Variants in EHMT1 observed in about 807,000 individuals in gnomAD.
EHMT1 encodes histone-lysine N-methyltransferase EHMT1.
Under a neutral mutation model 147.2 loss-of-function variants are expected in EHMT1, and 15 were observed. The ratio of observed to expected loss-of-function variants is 0.10; its 90% CI spans 0.07 to 0.16. The LOEUF (loss-of-function observed/expected upper bound fraction) is 0.16. EHMT1 is among the 10% of genes least tolerant of loss of function. EHMT1 has a pLI of 1.00. For synonymous variants in EHMT1, 795 were observed against 709.6 expected (o/e 1.12, Z -1.91); for missense variants, 1,587 against 1,772.4 (o/e 0.90, Z 1.88).
chr9:137,834,599 C>A, intron 26 of EHMT1, 75 bp downstream of exon 26: 1 of 1,601,804 alleles, frequency 6.2e-7, no homozygotes, highest in South Asian at 1.1e-5. Context: ...GCATTGCTTT[C>A]CTGGGCTTGT....
chr9:137,822,969 C>T (rs1048124717), intron 25 of EHMT1, among the ~76,000 whole-genome samples: 6 of 151,596 alleles, frequency 4.0e-5, no homozygotes, highest in Non-Finnish European at 5.9e-5. Flanking sequence ...TCGCTCTTGT[C>T]GCCCAGGCTG....
chr9:137,719,108 A>C (rs1945668745), intron 3 of EHMT1, among the ~76,000 whole-genome samples: 1 of 152,166 alleles, frequency 6.6e-6, no homozygotes, highest in Non-Finnish European at 1.5e-5. Context: ...TATCTTTCAA[A>C]AGACGGTGAT....
chr9:137,733,300 G>C (rs980482195), intron 4 of EHMT1, among the ~76,000 whole-genome samples: 1 of 152,228 alleles, frequency 6.6e-6, no homozygotes, highest in Non-Finnish European at 1.5e-5. Context: ...TTTGTTAGCA[G>C]CTTGTTCTGT....
At chr9:137,798,764 C>A in intron 16 of EHMT1, 49 bp from the exon 17 acceptor site, 1 of 1,501,570 alleles carries the variant, frequency 6.7e-7, no homozygotes, top group Non-Finnish European at 9.3e-7. Flanking sequence ...GGCTGGCACA[C>A]CAGGATCACA....
chr9:137,713,651 T>C (rs1944945622), intron 2 of EHMT1, among the ~76,000 whole-genome samples: 1 of 152,112 alleles, frequency 6.6e-6, no homozygotes, highest in South Asian at 2.1e-4. Context: ...TGATACTGTA[T>C]AGAAATACAA....
At chr9:137,622,358 G>T (rs1262705775) in intron 1 of EHMT1, among the ~76,000 whole-genome samples, 2 of 151,994 alleles carry the variant, frequency 1.3e-5, no homozygotes, top group Non-Finnish European at 1.5e-5. Flanking sequence ...GACCTCAAGT[G>T]ATCTATCTGC....
chr9:137,831,087 G>C (rs1230338924), intron 25 of EHMT1, among the ~76,000 whole-genome samples: 1 of 152,128 alleles, frequency 6.6e-6, no homozygotes, highest in East Asian at 1.9e-4. Flanking sequence ...GCAGTTCTCT[G>C]GGGTCCCTTT....
In EHMT1 at chr9:137,805,792, A is replaced by C. The variant is rs186043869; in HGVS notation, c.2712+4808A>C. On this transcript the variant is annotated intron_variant, in intron 18 of 26. Coordinates refer to ENST00000460843, the MANE Select transcript of EHMT1 (RefSeq NM_024757.5). ...ATTCTCATGCCTCAGCCTCCTGAGT[A>C]GCTGGGATTACAGGCACGAGCCACC... Among the ~76,000 whole-genome samples the C allele has an allele frequency of 7.7e-3, 1,161 of 151,762 alleles. 6 individuals carry two copies. Among genetic ancestry groups the C allele is most frequent in the Non-Finnish European group, 0.013 (850 of 67,960 alleles).
intron 26 of EHMT1, 88 bp from the exon 27 acceptor site, chr9:137,834,685 G>T: frequency 6.2e-7 from 1 of 1,605,880 alleles, no homozygotes; most frequent in South Asian, 1.1e-5. Flanking sequence ...ATCGGGGTGA[G>T]GAAGCTTTGG....
At chr9:137,621,969 TTTA>T (rs964115597) in intron 1 of EHMT1, among the ~76,000 whole-genome samples, 9 of 151,952 alleles carry the variant, frequency 5.9e-5, no homozygotes, top group African/African-American at 1.9e-4. Flanking sequence ...ATTTTTTTCT[TTTA>T]TTATTATTAT....
rs902036862 is a variant in EHMT1, at chr9:137,832,012, G to A, written c.3541-2337G>A. ...TCCCTCCACAGGCTCCGCCTCCTAC[G>A]TGGCCGCTGCACTTCGCCCCAGTCC... On this transcript the variant is annotated intron_variant, in intron 25 of 26. Transcript: ENST00000460843. 5.5e-5 allele frequency among the ~76,000 whole-genome samples: 8 copies of A among 145,592 alleles called. 1 individual carries two copies. The highest frequency in any genetic ancestry group is 4.4e-4 in the South Asian group (2 of 4,546).
Position 137,754,242 on chromosome 9 carries a change from A to G in EHMT1, c.1320A>G (p.Pro440=). 2 of 1,614,194 alleles carry G rather than the reference A, an allele frequency of 1.2e-6. No individual in the cohort carries two copies. Among genetic ancestry groups the G allele is most frequent in the Non-Finnish European group, 1.7e-6 (2 of 1,180,032 alleles). ...KGKTDSPWIK[P]ARKRRRRSRK... ...AGACCGACAGTCCCTGGATCAAGCCAGCCAGGAAAAGGAGGCGGAGAAGTA... is the reference window on the plus strand; with the variant it reads ...AGACCGACAGTCCCTGGATCAAGCCGGCCAGGAAAAGGAGGCGGAGAAGTA... Residue 440 remains proline (P), a synonymous_variant, in exon 8 of 27, where the codon CCA becomes CCG. Transcript: ENST00000460843.
chr9:137,666,816 A>G (rs1355382041), intron 1 of EHMT1, among the ~76,000 whole-genome samples: 2 of 152,212 alleles, frequency 1.3e-5, no homozygotes, highest in African/African-American at 4.8e-5. Context: ...TTTCTAAGCA[A>G]TTCCACAGAA....
chr9:137,823,879 G>A (rs547897284), intron 25 of EHMT1, among the ~76,000 whole-genome samples: 4 of 152,298 alleles, frequency 2.6e-5, no homozygotes, highest in Non-Finnish European at 5.9e-5. Context: ...TTTTTAATTG[G>A]CTGCTTGTCT....
chr9:137,752,516 C>A, intron 7 of EHMT1, 108 bp downstream of exon 7: 1 of 1,332,766 alleles, frequency 7.5e-7, no homozygotes, highest in East Asian at 2.5e-5. Context: ...GAGCGCTCAC[C>A]CATGTGCTTG....
chr9:137,701,554 G>A (rs1468250765), intron 1 of EHMT1, among the ~76,000 whole-genome samples: 1 of 151,734 alleles, frequency 6.6e-6, no homozygotes, highest in Non-Finnish European at 1.5e-5. Flanking sequence ...TGCCTCCCGG[G>A]TTTGAGCAAT....
In EHMT1 at chr9:137,817,528, G is replaced by A. The variant is rs369361505; in HGVS notation, c.3461+3G>A. On this transcript the variant is annotated splice_donor_region_variant and intron_variant, in intron 24 of 26. Transcript: ENST00000460843. ...CCACCAGGCACCTTTGTCTGCGAGT[G>A]AGTGAGTCCCTGGGTCACCCCAAGC... The A allele has an allele frequency of 2.5e-6, 4 of 1,614,084 alleles. No homozygotes were observed. The African/African-American group carries it at 5.3e-5, about 22-fold the overall frequency.
chr9:137,771,858 C>T (rs2136560150), intron 10 of EHMT1, among the ~76,000 whole-genome samples: 1 of 152,296 alleles, frequency 6.6e-6, no homozygotes, highest in Admixed American at 6.5e-5. Context: ...GGGACCCCAA[C>T]TTGGAGGCTT....
chr9:137,810,495 C>T (rs1271938098), intron 18 of EHMT1, among the ~76,000 whole-genome samples: 6 of 152,206 alleles, frequency 3.9e-5, no homozygotes, highest in African/African-American at 1.4e-4. Flanking sequence ...GGCTGCCTGG[C>T]AGAGTTGAAC....
Sources: gnomAD v4.1 joint callset for allele counts (sites outside exome capture counted in the v4.1 genomes callset) on GRCh38, gnomAD v4.1.1 for gene constraint, MANE v1.5 for transcripts, NCBI Gene and HGNC (gene_info 2026-07-23, HGNC 2026-07-21) for gene names.